The following ZNF407 variants were observed in gnomAD, a reference collection of about 807,000 sequenced individuals.
ZNF407 encodes the protein zinc finger protein 407.
A neutral mutation model predicts 131.2 loss-of-function variants in ZNF407; 17 were observed. The ratio of observed to expected loss-of-function variants is 0.13; its 90% CI spans 0.09 to 0.19. ZNF407 has a LOEUF of 0.19. ZNF407 is among the 10% of genes least tolerant of loss of function. ZNF407 has a pLI of 1.00. For synonymous variants in ZNF407, 1,156 were observed against 1,062.0 expected, an observed-to-expected ratio of 1.09 and a Z score of -1.72; for missense variants, 2,681 against 2,830.6, an observed-to-expected ratio of 0.95 and a Z score of 1.20.
intron 3 of ZNF407, among the ~76,000 whole-genome samples, chr18:74,679,323 A>G (rs867863874): frequency 6.6e-6 from 1 of 152,160 alleles, no homozygotes; most frequent in Non-Finnish European, 1.5e-5. Context: ...TTATATTGTG[A>G]TGTCTTACTG....
intron 1 of ZNF407, among the ~76,000 whole-genome samples, chr18:74,610,161 T>C (rs1228453796): frequency 6.6e-6 from 1 of 152,212 alleles, no homozygotes; most frequent in East Asian, 1.9e-4. Context: ...AAATATTTGA[T>C]GAATAAATGA....
Position 74,632,461 on chromosome 18 carries a change from A to T in ZNF407, c.1442A>T (p.Glu481Val). The change falls in exon 2 of 9, where the codon GAA becomes GTA. Residue 481 changes from glutamate to valine, a missense_variant. Glu to Val is a moderately radical substitution (Grantham distance 121). Coordinates refer to ENST00000299687, the MANE Select transcript of ZNF407 (RefSeq NM_017757.3). ...GCAGAATCAGTGCTGAAACACCTGG[A>T]AGCGTGCAGCAGTGTGCAGAGAGTG... is the stretch of plus-strand genomic sequence containing the variant. ...HDAESVLKHL[E>V]ACSSVQRVCV... 6.2e-7 allele frequency: 1 copy of T among 1,614,060 alleles called. No individual in the cohort carries two copies. The highest frequency in any genetic ancestry group is 8.5e-7 in the Non-Finnish European group (1 of 1,179,906).
intron 4 of ZNF407, among the ~76,000 whole-genome samples, chr18:74,811,184 A>T (rs546093765): frequency 9.5e-6 from 1 of 105,096 alleles, no homozygotes; most frequent in African/African-American, 2.9e-5. Context: ...ACAAGAAAAA[A>T]ACAAACAACC....
At chr18:74,851,717 G>A (rs1251730729) in intron 4 of ZNF407, among the ~76,000 whole-genome samples, 1 of 152,168 alleles carries the variant, frequency 6.6e-6, no homozygotes, top group Non-Finnish European at 1.5e-5. Context: ...AGATGAATGA[G>A]TTCTCATCAT....
At chr18:74,853,051 A>G (rs1170190689) in intron 4 of ZNF407, among the ~76,000 whole-genome samples, 5 of 151,874 alleles carry the variant, frequency 3.3e-5, no homozygotes, top group African/African-American at 9.7e-5. Context: ...AGTGTGGATC[A>G]TGTTGGCTAG....
intron 8 of ZNF407, among the ~76,000 whole-genome samples, chr18:74,987,935 A>C (rs935742529): frequency 1.3e-5 from 2 of 152,186 alleles, no homozygotes; most frequent in African/African-American, 4.8e-5. Flanking sequence ...TTTTGGTAGA[A>C]ATTGATGAGC....
At chr18:74,803,903 C>CT (rs1970064609) in intron 4 of ZNF407, 2 of 1,525,408 alleles carry the variant, frequency 1.3e-6, no homozygotes, top group East Asian at 4.9e-5. Context: ...CACGAGAATG[C>CT]TTTACAACGT....
chr18:74,919,931 C>G (rs1019502875), intron 7 of ZNF407, among the ~76,000 whole-genome samples: 1 of 152,186 alleles, frequency 6.6e-6, no homozygotes, highest in African/African-American at 2.4e-5. Context: ...GTTGCATTTT[C>G]CATGCCATCA....
intron 8 of ZNF407, among the ~76,000 whole-genome samples, chr18:75,049,365 G>A (rs990210784): frequency 6.6e-6 from 1 of 152,074 alleles, no homozygotes; most frequent in Non-Finnish European, 1.5e-5. Flanking sequence ...AACATAGCCT[G>A]GGATCATACT....
chr18:74,961,548 A>T (rs772368372), intron 8 of ZNF407, among the ~76,000 whole-genome samples: 1 of 152,054 alleles, frequency 6.6e-6, no homozygotes, highest in African/African-American at 2.4e-5. Context: ...ATGAAACCCC[A>T]TCTCTACAAA....
intron 3 of ZNF407, among the ~76,000 whole-genome samples, chr18:74,696,429 G>T (rs191770419): frequency 6.6e-6 from 1 of 152,268 alleles, no homozygotes; most frequent in East Asian, 1.9e-4. Flanking sequence ...ATGCTGCCAG[G>T]CATGCTGGAT....
At chr18:74,872,818 A>G (rs975919575) in intron 4 of ZNF407, among the ~76,000 whole-genome samples, 2 of 151,914 alleles carry the variant, frequency 1.3e-5, no homozygotes, top group African/African-American at 4.8e-5. Context: ...CTGGTAAAAA[A>G]TAAAATAATA....
At chr18:75,032,265 T>C (rs879576448) in intron 8 of ZNF407, among the ~76,000 whole-genome samples, 2 of 152,172 alleles carry the variant, frequency 1.3e-5, no homozygotes, top group African/African-American at 2.4e-5. Context: ...TTGACTTGCT[T>C]AGATAACACA....
At chr18:75,033,323 C>A (rs1408640553) in intron 8 of ZNF407, among the ~76,000 whole-genome samples, 2 of 152,312 alleles carry the variant, frequency 1.3e-5, no homozygotes, top group Non-Finnish European at 2.9e-5. Context: ...ACTAAGAATG[C>A]TCGGAAAGCC....
Position 74,664,120 on chromosome 18 carries a change from T to C in ZNF407, c.4802+22998T>C, listed in dbSNP as rs147546347. Among the ~76,000 whole-genome samples, 228 of 152,212 alleles carry C rather than the reference T, an allele frequency of 1.5e-3. 1 individual carries two copies. The highest frequency in any genetic ancestry group is 5.2e-3 in the African/African-American group (216 of 41,526). ...CAAGTAGTGTGTGAGAAGACCAGCT[T>C]TGGGGCCTGCAGCAGGCTATACACT... On this transcript the variant is annotated intron_variant, in intron 3 of 8. Transcript: ENST00000299687.
intron 3 of ZNF407, among the ~76,000 whole-genome samples, chr18:74,728,989 TTC>T (rs1968228372): frequency 6.6e-6 from 1 of 152,202 alleles, no homozygotes; most frequent in Non-Finnish European, 1.5e-5. Context: ...GTGACTTTTT[TTC>T]TCTCTGTGAT....
chr18:74,943,457 CAT>C (rs1972122506), intron 8 of ZNF407, among the ~76,000 whole-genome samples: 1 of 152,092 alleles, frequency 6.6e-6, no homozygotes, highest in African/African-American at 2.4e-5. Context: ...GGAACTGGAC[CAT>C]GAAAACACAG....
At chr18:74,804,331 G>T in intron 4 of ZNF407, 2 of 1,093,390 alleles carry the variant, frequency 1.8e-6, no homozygotes, top group Admixed American at 4.7e-5. Context: ...AATGATTCAG[G>T]GTTTATTTAA....
chr18:74,777,506 A>G (rs1355624186), intron 3 of ZNF407, among the ~76,000 whole-genome samples: 2 of 152,168 alleles, frequency 1.3e-5, no homozygotes, highest in African/African-American at 2.4e-5. Context: ...CCTCATGAAC[A>G]TGTCCCAGAC....
Sources: allele counts gnomAD v4.1 joint callset (sites outside exome capture counted in the v4.1 genomes callset), GRCh38; gene constraint gnomAD v4.1.1; transcripts MANE v1.5; gene names NCBI Gene and HGNC (gene_info 2026-07-23, HGNC 2026-07-21).